Variants in CDKAL1 observed in about 807,000 individuals in gnomAD.
CDKAL1 encodes the protein CDKAL1 threonylcarbamoyladenosine tRNA methylthiotransferase.
In CDKAL1, 32 loss-of-function variants were observed where a neutral mutation model predicts 68.2. That is an observed-to-expected ratio of 0.47 (90% CI 0.35 to 0.63). CDKAL1 has a LOEUF of 0.63. CDKAL1 is among the 30% of genes least tolerant of loss of function. The pLI is 0.00. For missense variants in CDKAL1, 606 were observed against 696.7 expected, an observed-to-expected ratio of 0.87 and a Z score of 1.47; for synonymous variants, 234 against 244.3, an observed-to-expected ratio of 0.96 and a Z score of 0.39.
chr6:20,739,073 C>A (rs1001111801), intron 5 of CDKAL1, among the ~76,000 whole-genome samples: 2 of 152,004 alleles, frequency 1.3e-5, no homozygotes, highest in Non-Finnish European at 2.9e-5. Context: ...TTACTCTTCT[C>A]TGTTTCAGTT....
At chr6:21,030,400 C>A (rs563430624) in intron 11 of CDKAL1, among the ~76,000 whole-genome samples, 22 of 152,168 alleles carry the variant, frequency 1.4e-4, no homozygotes, top group Admixed American at 1.3e-3. Context: ...ACCTAGATGA[C>A]GGGTTGATAG....
chr6:20,965,383 T>C (rs1765256641), intron 10 of CDKAL1, among the ~76,000 whole-genome samples: 1 of 112,860 alleles, frequency 8.9e-6, no homozygotes, highest in South Asian at 3.5e-4. Context: ...ATCATATAAC[T>C]GCACTCTGGT....
chr6:20,652,472 T>C (rs1043730380), intron 5 of CDKAL1, among the ~76,000 whole-genome samples: 1 of 152,206 alleles, frequency 6.6e-6, no homozygotes, highest in Non-Finnish European at 1.5e-5. Context: ...TCACATTTTC[T>C]CTGAATCTTA....
At chr6:20,752,006 T>G (rs1248218987) in intron 6 of CDKAL1, among the ~76,000 whole-genome samples, 1 of 152,072 alleles carries the variant, frequency 6.6e-6, no homozygotes, top group Non-Finnish European at 1.5e-5. Context: ...TCTCGATTGT[T>G]TTTTCTTCTT....
intron 4 of CDKAL1, among the ~76,000 whole-genome samples, chr6:20,585,561 C>T (rs941766200): frequency 3.3e-5 from 5 of 152,166 alleles, no homozygotes; most frequent in African/African-American, 9.7e-5. Flanking sequence ...TTTGCTTGGC[C>T]AAATGCAAAT....
At chr6:20,590,405 C>G (rs910635338) in intron 4 of CDKAL1, among the ~76,000 whole-genome samples, 2 of 151,996 alleles carry the variant, frequency 1.3e-5, no homozygotes, top group East Asian at 3.9e-4. Flanking sequence ...GCAGAATGTG[C>G]AGGTTTGTTC....
Position 20,555,696 on chromosome 6 carries a change from C to T in CDKAL1, c.286+6991C>T, listed in dbSNP as rs555481104. Among the ~76,000 whole-genome samples the T allele has an allele frequency of 6.4e-5, 9 of 140,104 alleles. No individual in the cohort carries two copies. The South Asian group carries it at 9.9e-4, about 15-fold the overall frequency. 91.9% of individuals were successfully genotyped at this position (140,104 alleles called of 152,430 possible). On this transcript the variant is annotated intron_variant, in intron 4 of 15. Coordinates refer to ENST00000274695, the MANE Select transcript of CDKAL1 (RefSeq NM_017774.3). ...AGAGTGCAGTGGCGCTATCTTAGCTCGCTGCAAGCTCCGCCTTCCAGGTTC... is the reference window on the plus strand; with the variant it reads ...AGAGTGCAGTGGCGCTATCTTAGCTTGCTGCAAGCTCCGCCTTCCAGGTTC...
chr6:20,804,070 C>T (rs998530939), intron 8 of CDKAL1, among the ~76,000 whole-genome samples: 1 of 152,124 alleles, frequency 6.6e-6, no homozygotes, highest in Non-Finnish European at 1.5e-5. Context: ...CTTCTACTGA[C>T]ATTTATGGTA....
rs1402113263 is a variant in CDKAL1, at chr6:20,784,408, A to ATTT, written c.638+3144_638+3146dup. 3.4e-3 allele frequency among the ~76,000 whole-genome samples: 78 copies of ATTT among 22,986 alleles called. 1 individual carries two copies. Among genetic ancestry groups the ATTT allele is most frequent in the East Asian group, 4.4e-3 (4 of 914 alleles). 15.1% of individuals were successfully genotyped at this position (22,986 alleles called of 152,430 possible). A position where few individuals can be genotyped will look rare whatever the true frequency, so the allele number is the denominator to read the frequency against. ...GTGTTTTTTTTCTTCCAGATATTTT[A>ATTT]TTTCTTTTTTTTTTTTTTTTTTTTT... On this transcript the variant is annotated intron_variant, in intron 8 of 15. Coordinates refer to ENST00000274695, the MANE Select transcript of CDKAL1 (RefSeq NM_017774.3).
chr6:20,883,911 A>G (rs1760943951), intron 9 of CDKAL1, among the ~76,000 whole-genome samples: 1 of 152,242 alleles, frequency 6.6e-6, no homozygotes, highest in Non-Finnish European at 1.5e-5. Context: ...CAAACATTTA[A>G]AGAATTAACA....
intron 13 of CDKAL1, among the ~76,000 whole-genome samples, chr6:21,123,900 A>C (rs1295412087): frequency 6.6e-6 from 1 of 152,242 alleles, no homozygotes; most frequent in Non-Finnish European, 1.5e-5. Flanking sequence ...CTACCCAGCT[A>C]TCACCAAATT....
At chr6:20,543,415 T>G (rs1175802202) in intron 2 of CDKAL1, among the ~76,000 whole-genome samples, 1 of 152,222 alleles carries the variant, frequency 6.6e-6, no homozygotes, top group Non-Finnish European at 1.5e-5. Context: ...CTGTGCTTAT[T>G]TGCCCTCTGT....
chr6:20,553,462 T>C (rs572136997), intron 4 of CDKAL1, among the ~76,000 whole-genome samples: 2 of 152,094 alleles, frequency 1.3e-5, no homozygotes, highest in Non-Finnish European at 2.9e-5. Flanking sequence ...TGAGCTGAGA[T>C]TGCCCCACTG....
rs1007689574 is a variant in CDKAL1, at chr6:20,696,824, C to T, written c.372-42695C>T. Among the ~76,000 whole-genome samples, 3 of 152,122 alleles carry T rather than the reference C, an allele frequency of 2.0e-5. No individual in the cohort carries two copies. The South Asian group carries it at 6.2e-4, about 32-fold the overall frequency. ...CTGCTCATTTCTTTCCAGCTTTCCC[C>T]AGTTAGGACTTGATGCAAACAGTAT... On this transcript the variant is annotated intron_variant, in intron 5 of 15. Transcript: ENST00000274695.
At chr6:20,964,499 G>A (rs1214847113) in intron 10 of CDKAL1, among the ~76,000 whole-genome samples, 2 of 152,150 alleles carry the variant, frequency 1.3e-5, no homozygotes, top group African/African-American at 4.8e-5. Context: ...CCTTTGCAGG[G>A]ACATGGATGG....
Position 20,548,561 on chromosome 6 carries a change from T to A in CDKAL1, c.174-32T>A, listed in dbSNP as rs1159613594. On this transcript the variant is annotated intron_variant, in intron 3 of 15. Transcript: ENST00000274695. ...AAAAAAAAAAATCACTCAATGAAACTTACTTTTTTTTTTTTATTGATTCCT... is the reference window on the plus strand; with the variant it reads ...AAAAAAAAAAATCACTCAATGAAACATACTTTTTTTTTTTTATTGATTCCT... 4.0e-6 allele frequency: 4 copies of A among 1,007,952 alleles called. No individual in the cohort carries two copies. The African/African-American group carries it at 6.6e-5, about 17-fold the overall frequency. The allele number at this position is 1,007,952 out of a possible 1,614,324, so 62.4% of individuals were successfully genotyped here. A position where few individuals can be genotyped will look rare whatever the true frequency, so the allele number is the denominator to read the frequency against.
At chr6:21,059,683 C>G (rs1037375545) in intron 11 of CDKAL1, among the ~76,000 whole-genome samples, 1 of 152,060 alleles carries the variant, frequency 6.6e-6, no homozygotes, top group Non-Finnish European at 1.5e-5. Context: ...GCAGGATTCA[C>G]TCACCCTTTT....
chr6:21,201,769 AT>A (rs1001533678), intron 15 of CDKAL1, among the ~76,000 whole-genome samples: 1 of 152,084 alleles, frequency 6.6e-6, no homozygotes, highest in Non-Finnish European at 1.5e-5. Context: ...AAAATTAAAC[AT>A]TTTTTTCTTT....
intron 13 of CDKAL1, among the ~76,000 whole-genome samples, chr6:21,181,442 T>C (rs1190873835): frequency 6.6e-6 from 1 of 152,232 alleles, no homozygotes; most frequent in Non-Finnish European, 1.5e-5. Context: ...CAACCCACTC[T>C]TGCTGTCCTC....
Sources: gnomAD v4.1 joint callset for allele counts (sites outside exome capture counted in the v4.1 genomes callset) on GRCh38, gnomAD v4.1.1 for gene constraint, MANE v1.5 for transcripts, NCBI Gene and HGNC (gene_info 2026-07-23, HGNC 2026-07-21) for gene names.